The following AUH variants were observed in gnomAD, a reference collection of about 807,000 sequenced individuals.
AUH encodes the protein methylglutaconyl-CoA hydratase, mitochondrial.
Under a neutral mutation model 42.3 loss-of-function variants are expected in AUH, and 29 were observed. That is an observed-to-expected ratio of 0.69 (90% CI 0.51 to 0.93). The LOEUF (loss-of-function observed/expected upper bound fraction) is 0.93. Ranked by LOEUF, AUH falls within the 40% of genes least tolerant of loss-of-function variation. The pLI, the probability that AUH is intolerant of heterozygous loss-of-function variation, is 0.00. For missense variants in AUH, 452 were observed against 438.1 expected (o/e 1.03, Z -0.28); for synonymous variants, 174 against 166.4 (o/e 1.05, Z -0.35).
intron 6 of AUH, among the ~76,000 whole-genome samples, chr9:91,228,423 G>A (rs1220714259): frequency 2.7e-5 from 4 of 145,678 alleles, no homozygotes; most frequent in Non-Finnish European, 3.0e-5. Flanking sequence ...TTTTTATTGC[G>A]TCTATTTGAT....
intron 6 of AUH, among the ~76,000 whole-genome samples, chr9:91,226,101 T>C (rs1827454419): frequency 6.7e-6 from 1 of 148,412 alleles, no homozygotes; most frequent in South Asian, 2.2e-4. Flanking sequence ...GTATTTCTAG[T>C]TCTAGATCCC....
At chr9:91,244,017 A>G (rs957868257) in intron 6 of AUH, among the ~76,000 whole-genome samples, 3 of 152,214 alleles carry the variant, frequency 2.0e-5, no homozygotes, top group Non-Finnish European at 4.4e-5. Context: ...AACAAATTAT[A>G]TTATAAAACA....
At chr9:91,246,421 C>G (rs1338108093) in intron 6 of AUH, among the ~76,000 whole-genome samples, 1 of 152,172 alleles carries the variant, frequency 6.6e-6, no homozygotes, top group Non-Finnish European at 1.5e-5. Flanking sequence ...CCTAAAGACA[C>G]CGTCTTTTAT....
At chr9:91,282,173 T>C (rs1285752684) in intron 6 of AUH, among the ~76,000 whole-genome samples, 1 of 152,084 alleles carries the variant, frequency 6.6e-6, no homozygotes, top group East Asian at 1.9e-4. Flanking sequence ...AAGGCCTCTT[T>C]ACTAGTTGAT....
intron 6 of AUH, among the ~76,000 whole-genome samples, chr9:91,265,145 T>C (rs1247783552): frequency 6.6e-6 from 1 of 152,178 alleles, no homozygotes; most frequent in Non-Finnish European, 1.5e-5. Context: ...TAAAGATGTG[T>C]GTCTTTTCCA....
intron 6 of AUH, among the ~76,000 whole-genome samples, chr9:91,275,597 C>T (rs1261442665): frequency 2.0e-5 from 3 of 152,176 alleles, no homozygotes; most frequent in East Asian, 3.8e-4. Context: ...AATCTTAACA[C>T]GGCATCAGGT....
intron 6 of AUH, among the ~76,000 whole-genome samples, chr9:91,293,804 G>A (rs1337761114): frequency 6.6e-6 from 1 of 152,176 alleles, no homozygotes; most frequent in East Asian, 1.9e-4. Flanking sequence ...ACTATTAGAA[G>A]AAGATGTTAT....
chr9:91,298,542 C>T (rs367625567), intron 4 of AUH, among the ~76,000 whole-genome samples: 8 of 152,284 alleles, frequency 5.3e-5, no homozygotes, highest in African/African-American at 1.7e-4. Context: ...AAGAAAGAAA[C>T]TGTCCAAGTA....
chr9:91,350,588 G>A (rs1157547600), intron 3 of AUH, among the ~76,000 whole-genome samples: 2 of 151,946 alleles, frequency 1.3e-5, no homozygotes, highest in Non-Finnish European at 2.9e-5. Flanking sequence ...GTGAAACCCC[G>A]TCTCTACTCA....
intron 6 of AUH, among the ~76,000 whole-genome samples, chr9:91,264,278 C>T (rs895258452): frequency 1.3e-5 from 2 of 152,210 alleles, no homozygotes; most frequent in African/African-American, 2.4e-5. Flanking sequence ...AATGGACCCA[C>T]TTTTCTTGCT....
At chr9:91,354,410 C>T (rs1215720201) in intron 3 of AUH, among the ~76,000 whole-genome samples, 2 of 152,132 alleles carry the variant, frequency 1.3e-5, no homozygotes, top group African/African-American at 4.8e-5. Flanking sequence ...GTACTCAAGG[C>T]TAACATGTTA....
chr9:91,288,316 A>C (rs1826580550), intron 6 of AUH, among the ~76,000 whole-genome samples: 1 of 152,264 alleles, frequency 6.6e-6, no homozygotes, highest in African/African-American at 2.4e-5. Context: ...ATCCTTGCAA[A>C]TGTATTAAAG....
intron 3 of AUH, among the ~76,000 whole-genome samples, chr9:91,348,129 T>A (rs562661534): frequency 6.7e-6 from 1 of 148,564 alleles, no homozygotes; most frequent in African/African-American, 2.5e-5. Context: ...AAGAAAAACA[T>A]TGGGAAAAAA....
chr9:91,306,452 C>A, intron 4 of AUH: 1 of 878,702 alleles, frequency 1.1e-6, no homozygotes, highest in Non-Finnish European at 1.4e-6. Context: ...AGATAACATA[C>A]CATAAGTAGT....
intron 6 of AUH, among the ~76,000 whole-genome samples, chr9:91,225,535 GTTC>G (rs1827394839): frequency 6.6e-6 from 1 of 151,820 alleles, no homozygotes; most frequent in Non-Finnish European, 1.5e-5. Context: ...TAAAGTGCCA[GTTC>G]TTTTTTTTTA....
chr9:91,214,233 A>G lies in AUH; in HGVS notation c.*115T>C. 1.2e-6 allele frequency: 1 copy of G among 850,076 alleles called. No individual in the cohort carries two copies. 52.7% of individuals were successfully genotyped at this position (850,076 alleles called of 1,614,324 possible). A position where few individuals can be genotyped will look rare whatever the true frequency, so the allele number is the denominator to read the frequency against. ...AGATGCTTATTACACCGTATGAATA[A>G]TCTGCTCTTCACTTTGGTCATTAAG... On this transcript the variant is annotated 3_prime_UTR_variant, in exon 10 of 10. Transcript: ENST00000375731.
At chr9:91,274,471 A>G (rs117122316) in intron 6 of AUH, among the ~76,000 whole-genome samples, 2,065 of 152,326 alleles carry the variant, frequency 0.014, 19 homozygotes, top group Non-Finnish European at 0.022. Flanking sequence ...TTCTTAATAT[A>G]CTTGAATTAA....
chr9:91,322,990 T>TA (rs1277044068), intron 4 of AUH, among the ~76,000 whole-genome samples: 1 of 152,234 alleles, frequency 6.6e-6, no homozygotes, highest in African/African-American at 2.4e-5. Flanking sequence ...CTTTAATACT[T>TA]ATTCTTGATT....
chr9:91,217,187 T>C, intron 8 of AUH, 90 bp downstream of exon 8: 1 of 1,374,830 alleles, frequency 7.3e-7, no homozygotes. Context: ...TTTAGAACTT[T>C]AAAAAAAATG....
Sources: allele counts gnomAD v4.1 joint callset (sites outside exome capture counted in the v4.1 genomes callset), GRCh38; gene constraint gnomAD v4.1.1; transcripts MANE v1.5; gene names NCBI Gene and HGNC (gene_info 2026-07-23, HGNC 2026-07-21).